Variants in GSG1L observed in about 807,000 individuals in gnomAD.
GSG1L encodes the protein GSG1 like, also known as germ cell-specific gene 1-like protein.
In GSG1L, 24 loss-of-function variants were observed where a neutral mutation model predicts 42.1. The observed-to-expected ratio is 0.57, with a 90% CI of 0.41 to 0.80. The LOEUF (loss-of-function observed/expected upper bound fraction) is 0.80. GSG1L is among the 30% of genes least tolerant of loss of function. The probability of loss-of-function intolerance (pLI) is 0.00; values close to 1 mark genes in which losing one functional copy is unlikely to be tolerated. For synonymous variants in GSG1L, 215 were observed against 203.5 expected (o/e 1.06, Z -0.48); for missense variants, 445 against 472.2 (o/e 0.94, Z 0.53).
chr16:27,900,953 C>A (rs187393811), intron 2 of GSG1L, among the ~76,000 whole-genome samples: 9 of 152,068 alleles, frequency 5.9e-5, no homozygotes, highest in East Asian at 1.9e-4. Flanking sequence ...AATGATGAAA[C>A]CCTGTCTCTA....
chr16:28,063,580 C>T lies in GSG1L; in HGVS notation c.-156G>A, dbSNP rs1029726981. 2 of 223,878 alleles carry T rather than the reference C, an allele frequency of 8.9e-6. No individual in the cohort carries two copies. Among genetic ancestry groups the T allele is most frequent in the African/African-American group, 4.8e-5 (2 of 42,026 alleles). The allele number at this position is 223,878 out of a possible 1,614,324, so 13.9% of individuals were successfully genotyped here. A position where few individuals can be genotyped will look rare whatever the true frequency, so the allele number is the denominator to read the frequency against. On this transcript the variant is annotated 5_prime_UTR_variant, in exon 1 of 7. Transcript: ENST00000447459. This position sits in a 1 kb window ranked among gnomAD's most constrained non-coding sequence, Gnocchi z 5.8. ...GGACGCGGCGCGGGCCCATGCCCCC[C>T]CCAACCCCGGGGTGGGGGCGCGGCG...
chr16:27,936,175 C>G (rs948536288), intron 2 of GSG1L, among the ~76,000 whole-genome samples: 1 of 151,994 alleles, frequency 6.6e-6, no homozygotes, highest in Admixed American at 6.6e-5. Context: ...GCATCCTTAT[C>G]GGCAGACCAT....
intron 3 of GSG1L, among the ~76,000 whole-genome samples, chr16:27,872,051 A>T (rs1306079260): frequency 3.9e-5 from 6 of 152,240 alleles, no homozygotes; most frequent in Non-Finnish European, 7.3e-5. Flanking sequence ...TTTTTGAATT[A>T]AAAATCAGGA....
intron 1 of GSG1L, among the ~76,000 whole-genome samples, chr16:27,973,705 T>C (rs772551450): frequency 1.3e-5 from 2 of 152,084 alleles, no homozygotes; most frequent in Non-Finnish European, 2.9e-5. Context: ...GTAACATCAA[T>C]ATGAACCTTT....
At chr16:27,934,647 A>G (rs2084694593) in intron 2 of GSG1L, among the ~76,000 whole-genome samples, 1 of 152,264 alleles carries the variant, frequency 6.6e-6, no homozygotes, top group Non-Finnish European at 1.5e-5. Context: ...CCAGAGGAGC[A>G]TGGCACCATG....
chr16:27,948,750 C>T (rs1162094680), intron 2 of GSG1L, among the ~76,000 whole-genome samples: 1 of 151,446 alleles, frequency 6.6e-6, no homozygotes, highest in Non-Finnish European at 1.5e-5. Context: ...GCTGGGACTA[C>T]AGGCGCCCGC....
intron 2 of GSG1L, among the ~76,000 whole-genome samples, chr16:27,892,463 A>T (rs563929788): frequency 1.1e-3 from 160 of 151,914 alleles, no homozygotes; most frequent in African/African-American, 3.7e-3. Context: ...TCTCAAAAAT[A>T]AAAAAAATGA....
intron 2 of GSG1L, among the ~76,000 whole-genome samples, chr16:27,886,355 G>T (rs779824344): frequency 6.6e-6 from 1 of 152,166 alleles, no homozygotes; most frequent in South Asian, 2.1e-4. Context: ...CAGGAGAATC[G>T]CTTGAACCCA....
At chr16:27,872,439 G>T (rs2083832865) in intron 3 of GSG1L, among the ~76,000 whole-genome samples, 1 of 152,124 alleles carries the variant, frequency 6.6e-6, no homozygotes, top group African/African-American at 2.4e-5. Flanking sequence ...ACTATAAAAT[G>T]GGGACAATAA....
chr16:27,817,200 G>A (rs535697029), intron 5 of GSG1L, among the ~76,000 whole-genome samples: 5 of 152,330 alleles, frequency 3.3e-5, no homozygotes, highest in Admixed American at 2.0e-4. Flanking sequence ...AGCCAGGGGC[G>A]TTATCAGGGG....
chr16:27,832,106 C>T (rs1467576330), intron 4 of GSG1L, among the ~76,000 whole-genome samples: 1 of 152,166 alleles, frequency 6.6e-6, no homozygotes, highest in Non-Finnish European at 1.5e-5. Flanking sequence ...TTATCACACC[C>T]TGTGATTCTT....
At chr16:27,876,271 T>C (rs2083886254) in intron 3 of GSG1L, among the ~76,000 whole-genome samples, 1 of 151,982 alleles carries the variant, frequency 6.6e-6, no homozygotes, top group Non-Finnish European at 1.5e-5. Context: ...GGAATTAGGG[T>C]CCCAGCAAAC....
rs117841560 is a variant in GSG1L at position 27,876,172 on chromosome 16, C to T, written c.550+8314G>A. On this transcript the variant is annotated intron_variant, in intron 3 of 6. Transcript: ENST00000447459. Reference sequence around the variant, plus strand: ...TGCCCTCTAAGCTATGAGCAAGAAACCAAGTCTGCCAGGCCAGGGAAACTG... The same window carrying T: ...TGCCCTCTAAGCTATGAGCAAGAAATCAAGTCTGCCAGGCCAGGGAAACTG... Among the ~76,000 whole-genome samples the T allele has an allele frequency of 6.1e-3, 930 of 152,276 alleles. 3 individuals carry two copies. The highest frequency in any genetic ancestry group is 0.01 in the Non-Finnish European group (704 of 68,036).
Position 27,850,689 on chromosome 16 carries a change from T to C in GSG1L, c.551-5628A>G, listed in dbSNP as rs188421749. 1,008 of 410,242 alleles carry C rather than the reference T, an allele frequency of 2.5e-3. 8 individuals carry two copies. Among genetic ancestry groups the C allele is most frequent in the Middle Eastern group, 3.2e-3 (5 of 1,566 alleles). The allele number at this position is 410,242 out of a possible 1,614,324, so 25.4% of individuals were successfully genotyped here. A position where few individuals can be genotyped will look rare whatever the true frequency, so the allele number is the denominator to read the frequency against. Reference sequence around the variant, plus strand: ...AAAGCTTTCAAAGCATAATGCTGCCTGGGGAAGTGGGAAAATGGGGGTGAT... The same window carrying C: ...AAAGCTTTCAAAGCATAATGCTGCCCGGGGAAGTGGGAAAATGGGGGTGAT... On this transcript the variant is annotated intron_variant, in intron 3 of 6. Coordinates refer to ENST00000447459, the MANE Select transcript of GSG1L (RefSeq NM_001109763.2).
intron 1 of GSG1L, among the ~76,000 whole-genome samples, chr16:28,050,740 C>T (rs1475279857): frequency 6.6e-6 from 1 of 152,102 alleles, no homozygotes; most frequent in Non-Finnish European, 1.5e-5. Context: ...TTAGCCTTCA[C>T]CAACTCAGAG....
intron 2 of GSG1L, among the ~76,000 whole-genome samples, chr16:27,955,270 A>G (rs558259224): frequency 1.6e-4 from 24 of 152,288 alleles, no homozygotes; most frequent in Non-Finnish European, 3.2e-4. Flanking sequence ...TATTAAAAAA[A>G]AGAACATTCC....
chr16:27,905,605 C>A (rs768084920), intron 2 of GSG1L, among the ~76,000 whole-genome samples: 3 of 152,136 alleles, frequency 2.0e-5, no homozygotes, highest in African/African-American at 4.8e-5. Context: ...TGAGCCAGCA[C>A]CTTTAAGACA....
chr16:27,850,711 T>C (rs2083502204), intron 3 of GSG1L: 1 of 392,474 alleles, frequency 2.5e-6, no homozygotes, highest in African/African-American at 2.1e-5. Context: ...AAAATGGGGG[T>C]GATAGCTGGA....
chr16:27,948,530 C>T (rs533101667), intron 2 of GSG1L, among the ~76,000 whole-genome samples: 10 of 151,780 alleles, frequency 6.6e-5, no homozygotes, highest in Admixed American at 1.3e-4. Context: ...CCCACCACCA[C>T]GCCCAGCTAA....
Sources: allele counts gnomAD v4.1 joint callset (sites outside exome capture counted in the v4.1 genomes callset), GRCh38; gene constraint gnomAD v4.1.1; non-coding constraint Gnocchi (gnomAD v3.1); transcripts MANE v1.5; gene names NCBI Gene and HGNC (gene_info 2026-07-23, HGNC 2026-07-21).